Variants in SLC4A8 observed in about 807,000 individuals in gnomAD.
SLC4A8 encodes the protein electroneutral sodium bicarbonate exchanger 1.
Under a neutral mutation model 125.0 loss-of-function variants are expected in SLC4A8, and 40 were observed. The observed-to-expected ratio is 0.32, with a 90% CI of 0.25 to 0.42. The LOEUF (loss-of-function observed/expected upper bound fraction) is 0.42. Ranked by LOEUF, SLC4A8 falls within the 10% of genes least tolerant of loss-of-function variation. The pLI is 1.00. For missense variants in SLC4A8, 863 were observed against 1,355.1 expected, an observed-to-expected ratio of 0.64 and a Z score of 5.70; for synonymous variants, 456 against 476.0, an observed-to-expected ratio of 0.96 and a Z score of 0.55.
At chr12:51,398,868 G>A (rs902869198) in intron 1 of SLC4A8, among the ~76,000 whole-genome samples, 32 of 152,306 alleles carry the variant, frequency 2.1e-4, no homozygotes, top group Admixed American at 1.6e-3. Context: ...TCCTGTCTCA[G>A]CCTCTGGAGT....
chr12:51,484,791 T>C (rs986637865), intron 16 of SLC4A8, among the ~76,000 whole-genome samples: 1 of 151,954 alleles, frequency 6.6e-6, no homozygotes, highest in Non-Finnish European at 1.5e-5. Context: ...TCCAACAAAA[T>C]AGAGATATGT....
Position 51,424,955 on chromosome 12 carries a change from G to A in SLC4A8, c.-33G>A, listed in dbSNP as rs1565763421. On this transcript the variant is annotated 5_prime_UTR_variant, in exon 1 of 25. Transcript: ENST00000453097. ...GCGCGGGCTGCTGATGCTTGGCTTG[G>A]AGCCCGTGGGGGAGACCTAGTTCGG... 3 of 1,550,076 alleles carry A rather than the reference G, an allele frequency of 1.9e-6. No homozygotes were observed. In the South Asian group the frequency reaches 3.6e-5, roughly 18 times the overall value.
chr12:51,496,264 G>A (rs1445851119), intron 21 of SLC4A8, among the ~76,000 whole-genome samples: 2 of 152,216 alleles, frequency 1.3e-5, no homozygotes, highest in African/African-American at 2.4e-5. Context: ...CTCATTCCTT[G>A]TCCAGTCACC....
intron 1 of SLC4A8, among the ~76,000 whole-genome samples, chr12:51,404,975 G>A (rs746727729): frequency 4.6e-5 from 7 of 152,148 alleles, no homozygotes; most frequent in African/African-American, 1.4e-4. Context: ...CTATAAGGGC[G>A]TGAAAAGGCT....
chr12:51,481,891 C>A (rs1951040357), intron 16 of SLC4A8, among the ~76,000 whole-genome samples: 1 of 151,924 alleles, frequency 6.6e-6, no homozygotes, highest in African/African-American at 2.4e-5. Context: ...GAGGTCAAAG[C>A]TGTAGTGAGC....
At chr12:51,413,214 C>G (rs1192048201) in intron 1 of SLC4A8, among the ~76,000 whole-genome samples, 2 of 152,068 alleles carry the variant, frequency 1.3e-5, no homozygotes, top group Non-Finnish European at 2.9e-5. Context: ...ATTTCTATGT[C>G]TTCTTTTGAG....
intron 1 of SLC4A8, among the ~76,000 whole-genome samples, chr12:51,428,258 C>G (rs1428210927): frequency 6.6e-6 from 1 of 152,116 alleles, no homozygotes; most frequent in African/African-American, 2.4e-5. Flanking sequence ...ATATGACTTA[C>G]CTGAAATATT....
intron 17 of SLC4A8, among the ~76,000 whole-genome samples, chr12:51,486,617 C>T (rs1219273328): frequency 6.6e-6 from 1 of 152,040 alleles, no homozygotes; most frequent in Non-Finnish European, 1.5e-5. Context: ...CTATAGAGCC[C>T]CATAGGGTGA....
chr12:51,503,117 C>T (rs1937993200), intron 22 of SLC4A8, among the ~76,000 whole-genome samples: 2 of 151,744 alleles, frequency 1.3e-5, no homozygotes, highest in African/African-American at 4.8e-5. Flanking sequence ...GCTGGGATTA[C>T]AGGCCTGAGC....
intron 2 of SLC4A8, among the ~76,000 whole-genome samples, chr12:51,442,827 C>T (rs1288101807): frequency 6.6e-6 from 1 of 152,252 alleles, no homozygotes; most frequent in Admixed American, 6.5e-5. Flanking sequence ...CACTCAGACT[C>T]ACTCCGAAGG....
chr12:51,505,520 T>C (rs1363272731), intron 23 of SLC4A8, among the ~76,000 whole-genome samples: 1 of 152,218 alleles, frequency 6.6e-6, no homozygotes, highest in Non-Finnish European at 1.5e-5. Flanking sequence ...GCTACACTGT[T>C]GATATCATAG....
upstream of SLC4A8, among the ~76,000 whole-genome samples, chr12:51,424,037 C>CAAAA (rs35611847): frequency 5.5e-4 from 21 of 38,124 alleles, no homozygotes; most frequent in African/African-American, 8.4e-4. Context: ...ACTTCGTCTC[C>CAAAA]AAAAAAAAAA....
In SLC4A8 at chr12:51,463,723, T is replaced by G. The variant is rs1180880359; in HGVS notation, c.1349+9T>G. 6.3e-7 allele frequency: 1 copy of G among 1,596,990 alleles called. No homozygotes were observed. Among genetic ancestry groups the G allele is most frequent in the Non-Finnish European group, 8.6e-7 (1 of 1,165,114 alleles). On this transcript the variant is annotated intron_variant, in intron 11 of 24. Transcript: ENST00000453097. ...CTTCAGCGCACTGGGCGGTAAGTCCTGGGACGTTTCACAGCGATGCTGCTT... is the reference window on the plus strand; with the variant it reads ...CTTCAGCGCACTGGGCGGTAAGTCCGGGGACGTTTCACAGCGATGCTGCTT...
chr12:51,441,805 T>C (rs1421874956), intron 2 of SLC4A8, among the ~76,000 whole-genome samples: 2 of 152,216 alleles, frequency 1.3e-5, no homozygotes, highest in Non-Finnish European at 2.9e-5. Context: ...GAACGGAAGC[T>C]GTAGAGGCTG....
At chr12:51,429,428 T>C (rs543347120) in intron 1 of SLC4A8, among the ~76,000 whole-genome samples, 1 of 152,252 alleles carries the variant, frequency 6.6e-6, no homozygotes, top group East Asian at 1.9e-4. Flanking sequence ...TAGGAGGCCA[T>C]TGGTATAATT....
rs532569532 is a variant in SLC4A8 at position 51,471,125 on chromosome 12, A to G, written c.1659-162A>G. On this transcript the variant is annotated intron_variant, in intron 13 of 24. Coordinates refer to ENST00000453097, the MANE Select transcript of SLC4A8 (RefSeq NM_001039960.3). ...ATATCCTGTGAGGCAAATCTGTATCATAACTGTGCCAGAGCACTATTTAGA... is the reference window on the plus strand; with the variant it reads ...ATATCCTGTGAGGCAAATCTGTATCGTAACTGTGCCAGAGCACTATTTAGA... Among the ~76,000 whole-genome samples, 407 of 152,264 alleles carry G rather than the reference A, an allele frequency of 2.7e-3. 2 individuals are homozygous for G. The highest frequency in any genetic ancestry group is 6.8e-3 in the Middle Eastern group (2 of 294).
intron 11 of SLC4A8, chr12:51,467,448 C>T (rs1323248752): frequency 6.6e-6 from 1 of 152,206 alleles, no homozygotes; most frequent in Non-Finnish European, 1.5e-5. Flanking sequence ...AGGTGGGTGT[C>T]TGTCCTGTGT....
intron 1 of SLC4A8, among the ~76,000 whole-genome samples, chr12:51,429,655 A>C (rs965506753): frequency 6.6e-6 from 1 of 151,708 alleles, no homozygotes; most frequent in Non-Finnish European, 1.5e-5. Context: ...GACATGAACC[A>C]CTATGTCCAG....
chr12:51,513,962 T>C lies in SLC4A8; in HGVS notation c.*6524T>C, dbSNP rs534721781. ...TCAACTCTCCAGACTTCCCTCTTAG[T>C]AAAGGAATTCATAATTCTCCCTGCA... On this transcript the variant is annotated 3_prime_UTR_variant, in exon 25 of 25. Coordinates refer to ENST00000453097, the MANE Select transcript of SLC4A8 (RefSeq NM_001039960.3). 9.2e-5 allele frequency: 14 copies of C among 152,322 alleles called. No homozygotes were observed. The highest frequency in any genetic ancestry group is 3.3e-4 in the Admixed American group (5 of 15,304). 9.4% of individuals were successfully genotyped at this position (152,322 alleles called of 1,614,324 possible).
Sources: gnomAD v4.1 joint callset for allele counts (sites outside exome capture counted in the v4.1 genomes callset) on GRCh38, gnomAD v4.1.1 for gene constraint, MANE v1.5 for transcripts, NCBI Gene and HGNC (gene_info 2026-07-23, HGNC 2026-07-21) for gene names.